The following UTP4 variants were observed in gnomAD, a reference collection of about 807,000 sequenced individuals.
UTP4 encodes the protein U3 small nucleolar RNA-associated protein 4 homolog.
Under a neutral mutation model 82.4 loss-of-function variants are expected in UTP4, and 45 were observed. The ratio of observed to expected loss-of-function variants is 0.55; its 90% CI spans 0.43 to 0.70. UTP4 has a LOEUF of 0.70. Ranked by LOEUF, UTP4 falls within the 30% of genes least tolerant of loss-of-function variation. The pLI is 0.00. For synonymous variants in UTP4, 348 were observed against 300.3 expected, an observed-to-expected ratio of 1.16 and a Z score of -1.64; for missense variants, 819 against 858.3, an observed-to-expected ratio of 0.95 and a Z score of 0.57.
In UTP4 at chr16:69,150,662, T is replaced by C; in HGVS notation, c.864T>C (p.His288=). 6.2e-7 allele frequency: 1 copy of C among 1,614,228 alleles called. No individual in the cohort carries two copies. Among genetic ancestry groups the C allele is most frequent in the South Asian group, 1.1e-5 (1 of 91,086 alleles). ...VRTKPFQHHT[H]DVRTVAHSPT... Reference sequence around the variant, plus strand: ...CAAAACCGTTCCAGCATCACACTCATGACGTGCGCACTGTGGCCCACAGCC... The same window carrying C: ...CAAAACCGTTCCAGCATCACACTCACGACGTGCGCACTGTGGCCCACAGCC... The change falls in exon 7 of 17, where the codon CAT becomes CAC. Residue 288 remains histidine (H), a synonymous_variant. Coordinates refer to ENST00000314423, the MANE Select transcript of UTP4 (RefSeq NM_032830.3).
chr16:69,150,531 C>G lies in UTP4; in HGVS notation c.739-6C>G, dbSNP rs373200948. ...CGTGTACCTCCCTCATGATTTAATT[C>G]CTCAGCAAGAAGACAGTTTCGTGGT... is the stretch of plus-strand genomic sequence containing the variant. On this transcript the variant is annotated splice_region_variant and splice_polypyrimidine_tract_variant and intron_variant, in intron 6 of 16. Transcript: ENST00000314423. 15 of 1,614,074 alleles carry G rather than the reference C, an allele frequency of 9.3e-6. No homozygotes were observed. Among genetic ancestry groups the G allele is most frequent in the Non-Finnish European group, 1.3e-5 (15 of 1,180,024 alleles).
rs1353794450 is a variant in UTP4 at position 69,137,946 on chromosome 16, A to C, written c.436+61A>C. On this transcript the variant is annotated intron_variant, in intron 4 of 16. Transcript: ENST00000314423. The stretch of plus-strand genomic sequence containing the variant: ...TAACAAGAAATTAAGTTTCTGTGCC[A>C]CTGGGGATGGGATATTTTCCCATGA... 3.0e-6 allele frequency: 3 copies of C among 993,734 alleles called. No individual in the cohort carries two copies. In the Admixed American group the frequency reaches 5.1e-5, roughly 17 times the overall value. 61.6% of individuals were successfully genotyped at this position (993,734 alleles called of 1,614,324 possible). A position where few individuals can be genotyped will look rare whatever the true frequency, so the allele number is the denominator to read the frequency against.
At chr16:69,136,370 AGT>A (rs1232251784) in intron 2 of UTP4, among the ~76,000 whole-genome samples, 1 of 152,180 alleles carries the variant, frequency 6.6e-6, no homozygotes, top group Non-Finnish European at 1.5e-5. Context: ...TGGGACTATA[AGT>A]GTGTGCCACC....
chr16:69,138,122 T>C (rs1962859192), intron 4 of UTP4: 5 of 533,812 alleles, frequency 9.4e-6, no homozygotes, highest in African/African-American at 1.9e-5. Context: ...GGAAAGCTAG[T>C]GTTTCTGTGG....
At chr16:69,141,161 G>A (rs1597135471) in intron 5 of UTP4, among the ~76,000 whole-genome samples, 2 of 152,258 alleles carry the variant, frequency 1.3e-5, no homozygotes, top group East Asian at 3.9e-4. Flanking sequence ...CCCTCCCGGT[G>A]CCTTCTGACC....
At chr16:69,141,232 A>G (rs937563542) in intron 5 of UTP4, among the ~76,000 whole-genome samples, 1 of 152,110 alleles carries the variant, frequency 6.6e-6, no homozygotes, top group African/African-American at 2.4e-5. Flanking sequence ...TGAAACTCTG[A>G]TTGATTTTTC....
chr16:69,136,562 G>C (rs971446964), intron 2 of UTP4, 134 bp from the exon 3 acceptor site: 5 of 841,426 alleles, frequency 5.9e-6, no homozygotes, highest in South Asian at 4.1e-5. Context: ...AATGTCATTA[G>C]GCATGATCTG....
intron 14 of UTP4, 102 bp from the exon 15 acceptor site, chr16:69,165,239 C>T: frequency 6.3e-6 from 6 of 948,270 alleles, no homozygotes; most frequent in South Asian, 5.7e-5. Flanking sequence ...GAATATAATA[C>T]AGTTGAAGCT....
intron 11 of UTP4, 127 bp from the exon 12 acceptor site, chr16:69,156,957 T>C (rs1389479841): frequency 1.1e-6 from 1 of 880,784 alleles, no homozygotes; most frequent in African/African-American, 1.7e-5. Context: ...ACCAGTGTTC[T>C]GTGCCGAGTC....
chr16:69,133,481 C>T lies in UTP4; in HGVS notation c.22C>T (p.Arg8Ter). Residue 8 changes from arginine (R) to a stop codon, truncating the protein, a stop_gained, in exon 2 of 17, where the codon CGA becomes TGA. Coordinates refer to ENST00000314423, the MANE Select transcript of UTP4 (RefSeq NM_032830.3). LOFTEE classifies it high-confidence loss of function. MGEFKVH[R>*]VRFFNYVPSG... ...AGGAATGGGTGAATTTAAGGTCCAT[C>T]GAGTACGTTTCTTTAATTATGTTCC... 2 of 1,614,130 alleles carry T rather than the reference C, an allele frequency of 1.2e-6. No homozygotes were observed. The highest frequency in any genetic ancestry group is 1.7e-6 in the Non-Finnish European group (2 of 1,180,008).
chr16:69,148,385 C>G (rs1963176541), intron 6 of UTP4, among the ~76,000 whole-genome samples: 1 of 151,970 alleles, frequency 6.6e-6, no homozygotes, highest in Admixed American at 6.6e-5. Context: ...ATGTGAGCCA[C>G]TGCGCCCGGC....
Position 69,153,821 on chromosome 16 carries a change from A to G in UTP4, c.1099+141A>G, listed in dbSNP as rs374553550. ...AACTAATGGTTTTCCCACCCATTAGATAAAGCAAATAAGCTGTTTAGAGTA... is the reference window on the plus strand; with the variant it reads ...AACTAATGGTTTTCCCACCCATTAGGTAAAGCAAATAAGCTGTTTAGAGTA... On this transcript the variant is annotated intron_variant, in intron 9 of 16. Transcript: ENST00000314423. The G allele has an allele frequency of 1.1e-5, 8 of 701,368 alleles. No individual in the cohort carries two copies. The East Asian group carries it at 1.9e-4, about 17-fold the overall frequency. 43.4% of individuals were successfully genotyped at this position (701,368 alleles called of 1,614,324 possible).
At chr16:69,163,004 C>G in intron 13 of UTP4, 79 bp from the exon 14 acceptor site, 1 of 1,130,692 alleles carries the variant, frequency 8.8e-7, no homozygotes, top group Admixed American at 1.7e-5. Context: ...GTATTTAAAC[C>G]CCTGACCTAG....
At chr16:69,162,441 G>A (rs1430126871) in intron 13 of UTP4, among the ~76,000 whole-genome samples, 1 of 151,652 alleles carries the variant, frequency 6.6e-6, no homozygotes, top group Admixed American at 6.6e-5. Flanking sequence ...GCCAGGTGCA[G>A]TGGTTCACGC....
intron 14 of UTP4, among the ~76,000 whole-genome samples, chr16:69,163,554 C>T (rs892467248): frequency 1.3e-5 from 2 of 151,978 alleles, no homozygotes; most frequent in African/African-American, 4.8e-5. Flanking sequence ...TTGTATCATT[C>T]ACCTTTACGC....
chr16:69,145,689 G>C (rs1963090977), intron 6 of UTP4, among the ~76,000 whole-genome samples: 1 of 151,910 alleles, frequency 6.6e-6, no homozygotes, highest in South Asian at 2.1e-4. Flanking sequence ...AGTGTCTTTA[G>C]AGAAGAGGGA....
At chr16:69,139,787 T>C in intron 4 of UTP4, 38 bp from the exon 5 acceptor site, 1 of 1,330,524 alleles carries the variant, frequency 7.5e-7, no homozygotes, top group Non-Finnish European at 1.1e-6. Flanking sequence ...TATATTTATG[T>C]GTATGTCACT....
At chr16:69,134,948 A>G (rs889905504) in intron 2 of UTP4, among the ~76,000 whole-genome samples, 4 of 150,874 alleles carry the variant, frequency 2.7e-5, no homozygotes, top group African/African-American at 7.3e-5. Flanking sequence ...CAGCCTCCCA[A>G]AGTGCTGGGA....
chr16:69,140,429 A>G (rs1962927167), intron 5 of UTP4, among the ~76,000 whole-genome samples: 1 of 152,162 alleles, frequency 6.6e-6, no homozygotes, highest in South Asian at 2.1e-4. Context: ...GAGATAAAAC[A>G]GGTTGGCTGG....
Sources: gnomAD v4.1 joint callset for allele counts (sites outside exome capture counted in the v4.1 genomes callset) on GRCh38, gnomAD v4.1.1 for gene constraint, MANE v1.5 for transcripts, NCBI Gene and HGNC (gene_info 2026-07-23, HGNC 2026-07-21) for gene names.